The following DISC1 variants were observed in gnomAD, a reference collection of about 807,000 sequenced individuals.
DISC1 encodes the protein DISC1 scaffold protein, also known as disrupted in schizophrenia 1 protein.
Under a neutral mutation model 84.5 loss-of-function variants are expected in DISC1, and 57 were observed. The ratio of observed to expected loss-of-function variants is 0.67; its 90% CI spans 0.55 to 0.84. The LOEUF is 0.84. Ranked by LOEUF, DISC1 falls within the 40% of genes least tolerant of loss-of-function variation. DISC1 has a pLI of 0.00. For missense variants in DISC1, 1,000 were observed against 1,057.8 expected, an observed-to-expected ratio of 0.95 and a Z score of 0.76; for synonymous variants, 411 against 415.2, an observed-to-expected ratio of 0.99 and a Z score of 0.12.
intron 10 of DISC1, among the ~76,000 whole-genome samples, chr1:232,004,962 T>TTCCC (rs1357152075): frequency 2.7e-5 from 3 of 113,058 alleles, no homozygotes; most frequent in East Asian, 2.6e-4. Flanking sequence ...CCTTCCTTCC[T>TTCCC]TCCTTCTTCC....
chr1:231,846,689 A>G (rs2083470274), intron 9 of DISC1, among the ~76,000 whole-genome samples: 2 of 152,256 alleles, frequency 1.3e-5, no homozygotes, highest in African/African-American at 4.8e-5. Context: ...TTAAGGCAAC[A>G]TAGTAACTAA....
chr1:231,848,107 T>G (rs2083594064), intron 9 of DISC1, among the ~76,000 whole-genome samples: 1 of 152,182 alleles, frequency 6.6e-6, no homozygotes, highest in East Asian at 1.9e-4. Context: ...CAGGCCTGTC[T>G]GTGACTTTGA....
At chr1:231,944,318 T>C (rs1309712564) in intron 9 of DISC1, among the ~76,000 whole-genome samples, 7 of 152,196 alleles carry the variant, frequency 4.6e-5, no homozygotes, top group African/African-American at 1.7e-4. Context: ...TTTCTGCAGC[T>C]ACTCCCAGCT....
rs140931862 is a variant in DISC1 at position 231,657,032 on chromosome 1, A to G, written c.67+30098A>G. Among the ~76,000 whole-genome samples, 180 of 152,296 alleles carry G rather than the reference A, an allele frequency of 1.2e-3. 3 individuals are homozygous for G. Among genetic ancestry groups the G allele is most frequent in the Non-Finnish European group, 1.5e-4 (10 of 68,014 alleles). ...TGCACCACATTTATTTATCCAGTCCATCATTGATGGGCATTTAGATTGATT... is the reference window on the plus strand; with the variant it reads ...TGCACCACATTTATTTATCCAGTCCGTCATTGATGGGCATTTAGATTGATT... On this transcript the variant is annotated intron_variant, in intron 1 of 12. Coordinates refer to ENST00000439617, the MANE Select transcript of DISC1 (RefSeq NM_018662.3).
intron 9 of DISC1, among the ~76,000 whole-genome samples, chr1:231,934,587 A>G (rs2090869944): frequency 6.6e-6 from 1 of 152,242 alleles, no homozygotes; most frequent in African/African-American, 2.4e-5. Flanking sequence ...TTTTTCTTAA[A>G]TAGCAATCCT....
intron 2 of DISC1, among the ~76,000 whole-genome samples, chr1:231,697,606 A>AT (rs113034860): frequency 0.027 from 3,437 of 127,924 alleles, 84 homozygotes; most frequent in East Asian, 0.1. Context: ...TGCCTGGCTA[A>AT]TTTTTTTTTT....
intron 3 of DISC1, among the ~76,000 whole-genome samples, chr1:231,741,422 GAAACA>G (rs1374454709): frequency 1.3e-5 from 2 of 152,192 alleles, no homozygotes; most frequent in Non-Finnish European, 2.9e-5. Flanking sequence ...AAAAAAACAA[GAAACA>G]AAACAAGGGA....
intron 10 of DISC1, among the ~76,000 whole-genome samples, chr1:231,981,122 T>G (rs1279603185): frequency 6.6e-6 from 1 of 152,118 alleles, no homozygotes; most frequent in East Asian, 1.9e-4. Flanking sequence ...TTTAAAATTT[T>G]TTGTAGAGAT....
intron 4 of DISC1, among the ~76,000 whole-genome samples, chr1:231,762,514 GT>G (rs752334318): frequency 0.36 from 19,151 of 52,750 alleles, 1,418 homozygotes; most frequent in East Asian, 0.45. Flanking sequence ...GTTTTGTTTT[GT>G]TTTTTTTTTT....
chr1:231,850,575 T>C lies in DISC1; in HGVS notation c.1981+32058T>C, dbSNP rs545873057. Among the ~76,000 whole-genome samples the C allele has an allele frequency of 2.0e-5, 3 of 152,320 alleles. No individual in the cohort carries two copies. The South Asian group carries it at 6.2e-4, about 32-fold the overall frequency. On this transcript the variant is annotated intron_variant, in intron 9 of 12. Transcript: ENST00000439617. ...GGTAAAAAAATACACTGTAGAGATA[T>C]CGATCCTGTACGAATGCAACCTAAG... is the stretch of plus-strand genomic sequence containing the variant.
chr1:231,697,177 C>T (rs373570239), intron 2 of DISC1, among the ~76,000 whole-genome samples: 25 of 152,220 alleles, frequency 1.6e-4, no homozygotes, highest in African/African-American at 5.8e-4. Flanking sequence ...GGCAGAAGGT[C>T]GGTGAAGGAT....
At chr1:231,890,586 T>A (rs1462851770) in intron 9 of DISC1, among the ~76,000 whole-genome samples, 8 of 152,134 alleles carry the variant, frequency 5.3e-5, no homozygotes. Context: ...GAGGGAGGAA[T>A]GGGGAGTTAA....
At chr1:231,944,971 T>G (rs866485104) in intron 9 of DISC1, 1 of 152,160 alleles carries the variant, frequency 6.6e-6, no homozygotes, top group African/African-American at 2.4e-5. Flanking sequence ...CAAAGCGGCT[T>G]AGACTCCCAC....
chr1:231,795,197 T>C (rs1380646183), intron 6 of DISC1, 45 bp from the exon 7 acceptor site: 3 of 1,575,880 alleles, frequency 1.9e-6, no homozygotes, highest in Middle Eastern at 1.7e-4. Context: ...TGGTATTGAA[T>C]TGTGGTTACC....
At chr1:231,792,526 A>G (rs1243827706) in intron 6 of DISC1, among the ~76,000 whole-genome samples, 1 of 152,250 alleles carries the variant, frequency 6.6e-6, no homozygotes, top group East Asian at 1.9e-4. Flanking sequence ...ATGCTCATAT[A>G]GGTTCAATGA....
At chr1:231,938,191 G>A (rs1319811046) in intron 9 of DISC1, among the ~76,000 whole-genome samples, 1 of 152,172 alleles carries the variant, frequency 6.6e-6, no homozygotes, top group African/African-American at 2.4e-5. Context: ...CAAGGCTAAA[G>A]GGATTTTGCA....
At chr1:231,663,191 G>T (rs2061706639) in intron 1 of DISC1, among the ~76,000 whole-genome samples, 3 of 152,094 alleles carry the variant, frequency 2.0e-5, no homozygotes, top group African/African-American at 7.2e-5. Flanking sequence ...TCATAAAATA[G>T]AATTTAAGTC....
intron 12 of DISC1, among the ~76,000 whole-genome samples, chr1:232,032,643 C>CAGATA (rs931462653): frequency 2.5e-4 from 38 of 152,154 alleles, no homozygotes; most frequent in Non-Finnish European, 1.5e-5. Context: ...TTATGGGGGG[C>CAGATA]AGATACTTAG....
At chr1:231,633,364 G>A (rs2058903885) in intron 1 of DISC1, among the ~76,000 whole-genome samples, 1 of 152,206 alleles carries the variant, frequency 6.6e-6, no homozygotes, top group South Asian at 2.1e-4. Context: ...CAGTGTGGAT[G>A]ACTCTAGGGT....
Sources: gnomAD v4.1 joint callset for allele counts (sites outside exome capture counted in the v4.1 genomes callset) on GRCh38, gnomAD v4.1.1 for gene constraint, MANE v1.5 for transcripts, NCBI Gene and HGNC (gene_info 2026-07-23, HGNC 2026-07-21) for gene names.